The following ZBTB20 variants were observed in gnomAD, a reference collection of about 807,000 sequenced individuals.
ZBTB20 encodes the protein zinc finger and BTB domain-containing protein 20.
ZBTB20 carries 9 observed loss-of-function variants against 56.9 expected under a neutral mutation model. The observed-to-expected ratio is 0.16, with a 90% CI of 0.10 to 0.28. The LOEUF (loss-of-function observed/expected upper bound fraction) is 0.28, where lower values mean the gene tolerates loss of function less well. Ranked by LOEUF, ZBTB20 falls within the 10% of genes least tolerant of loss-of-function variation. The probability of loss-of-function intolerance (pLI) is 1.00; values close to 1 mark genes in which losing one functional copy is unlikely to be tolerated. For synonymous variants in ZBTB20, 417 were observed against 420.7 expected (o/e 0.99, Z 0.11); for missense variants, 655 against 1,003.0 (o/e 0.65, Z 4.69).
At chr3:114,759,245 T>TA (rs1444876937) in intron 5 of ZBTB20, 1 of 152,158 alleles carries the variant, frequency 6.6e-6, no homozygotes, top group Non-Finnish European at 1.5e-5. Context: ...TTTTCACAAA[T>TA]AATGCAGTGA....
At chr3:114,742,498 C>T (rs2108600957) in intron 5 of ZBTB20, among the ~76,000 whole-genome samples, 1 of 152,204 alleles carries the variant, frequency 6.6e-6, no homozygotes, top group Non-Finnish European at 1.5e-5. Context: ...ATACCACAAG[C>T]CAGGTACGAT....
intron 1 of ZBTB20, among the ~76,000 whole-genome samples, chr3:115,140,257 T>C (rs1291051448): frequency 2.0e-5 from 3 of 152,092 alleles, no homozygotes; most frequent in African/African-American, 7.2e-5. Flanking sequence ...TCTGAGATTT[T>C]TGACAATGTA....
At chr3:114,924,319 G>C (rs576386392) in intron 3 of ZBTB20, among the ~76,000 whole-genome samples, 2 of 151,952 alleles carry the variant, frequency 1.3e-5, no homozygotes, top group Non-Finnish European at 2.9e-5. Flanking sequence ...TCCATCAATG[G>C]GTAAAGCGGA....
rs971293661 is a variant in ZBTB20 at position 114,606,894 on chromosome 3, G to A, written c.-295+86634C>T. 5.3e-5 allele frequency among the ~76,000 whole-genome samples: 8 copies of A among 152,068 alleles called. No individual in the cohort carries two copies. The Middle Eastern group carries it at 0.01, about 194-fold the overall frequency. ...GTGGATCACTTGAGGTCAGGAGTTC[G>A]AGGCCAGCCTTGCTAACATGGTGAA... On this transcript the variant is annotated intron_variant, in intron 6 of 11. Transcript: ENST00000675478.
At chr3:114,620,057 A>G (rs1481302588) in intron 6 of ZBTB20, among the ~76,000 whole-genome samples, 1 of 152,218 alleles carries the variant, frequency 6.6e-6, no homozygotes, top group Non-Finnish European at 1.5e-5. Context: ...ACATGAGCTG[A>G]CCAAGCTGGA....
At chr3:114,609,737 CA>C (rs1414198123) in intron 6 of ZBTB20, among the ~76,000 whole-genome samples, 1 of 152,108 alleles carries the variant, frequency 6.6e-6, no homozygotes, top group Non-Finnish European at 1.5e-5. Context: ...GCCTGAAAGA[CA>C]GTGAAATACA....
intron 2 of ZBTB20, among the ~76,000 whole-genome samples, chr3:115,059,475 C>CAA (rs1292927827): frequency 1.3e-5 from 2 of 152,204 alleles, no homozygotes; most frequent in Non-Finnish European, 2.9e-5. Context: ...GAACAAAACT[C>CAA]AAACACTTCC....
intron 6 of ZBTB20, among the ~76,000 whole-genome samples, chr3:114,509,316 A>C (rs1204696872): frequency 6.6e-6 from 1 of 152,054 alleles, no homozygotes; most frequent in Non-Finnish European, 1.5e-5. Flanking sequence ...TAATTGTTTT[A>C]ATGCCTCTAC....
chr3:115,093,287 T>C lies in ZBTB20; in HGVS notation c.-702-21873A>G, dbSNP rs572965402. On this transcript the variant is annotated intron_variant, in intron 1 of 11. Coordinates refer to ENST00000675478, the MANE Select transcript of ZBTB20 (RefSeq NM_001348800.3). ...CATATATTTTCAGACTAAGGTGATA[T>C]AAGTGAAACTACTGTGTATAGGCCG... 7.2e-4 allele frequency among the ~76,000 whole-genome samples: 110 copies of C among 152,292 alleles called. 1 individual carries two copies. The South Asian group carries it at 0.019, about 27-fold the overall frequency.
At chr3:114,968,934 T>C (rs1344188511) in intron 3 of ZBTB20, among the ~76,000 whole-genome samples, 3 of 152,098 alleles carry the variant, frequency 2.0e-5, no homozygotes, top group South Asian at 2.1e-4. Context: ...TACTTTGGCC[T>C]CTCCACAATT....
intron 4 of ZBTB20, among the ~76,000 whole-genome samples, chr3:114,867,233 T>C (rs1412685959): frequency 6.6e-6 from 1 of 151,974 alleles, no homozygotes; most frequent in African/African-American, 2.4e-5. Flanking sequence ...GTTTATGAAA[T>C]AAGAGATGGC....
At position 114,588,925 on chromosome 3, in the gene ZBTB20, T is replaced by A. The variant is rs560916288; in HGVS notation, c.-294-88534A>T. Among the ~76,000 whole-genome samples the A allele has an allele frequency of 3.0e-4, 45 of 152,198 alleles. 1 individual carries two copies. The South Asian group carries it at 8.7e-3, about 29-fold the overall frequency. On this transcript the variant is annotated intron_variant, in intron 6 of 11. Transcript: ENST00000675478. ...TGGGGAAGCCTCAGGAAACTTACAA[T>A]CATAGCAGAAGGCACCTCTTCACCG...
intron 1 of ZBTB20, among the ~76,000 whole-genome samples, chr3:115,131,313 A>C (rs1018520567): frequency 6.6e-6 from 1 of 152,202 alleles, no homozygotes; most frequent in African/African-American, 2.4e-5. Flanking sequence ...TATTACTTAT[A>C]AATATACATA....
chr3:114,962,883 T>G (rs1053630106), intron 3 of ZBTB20, among the ~76,000 whole-genome samples: 3 of 152,146 alleles, frequency 2.0e-5, no homozygotes, highest in Non-Finnish European at 4.4e-5. Context: ...GAGGAAGCTA[T>G]GCATGAAAAA....
chr3:114,738,363 CCT>C (rs558961037), intron 5 of ZBTB20, among the ~76,000 whole-genome samples: 243 of 151,948 alleles, frequency 1.6e-3, no homozygotes, highest in African/African-American at 5.5e-3. Flanking sequence ...TTGTCTTTCT[CCT>C]CTCTGACAAC....
Position 114,315,932 on chromosome 3 carries a change from C to T in ZBTB20, c.*23073G>A, listed in dbSNP as rs1029459189. 6.4e-6 allele frequency: 1 copy of T among 156,448 alleles called. No homozygotes were observed. The highest frequency in any genetic ancestry group is 1.4e-5 in the Non-Finnish European group (1 of 71,572). 9.7% of individuals were successfully genotyped at this position (156,448 alleles called of 1,614,324 possible). ...CACCCACTTCTCAAATGGATGGCCA[C>T]GTTAAGGTGCTTCAAAAAAGGTTTT... On this transcript the variant is annotated 3_prime_UTR_variant, in exon 12 of 12. Coordinates refer to ENST00000675478, the MANE Select transcript of ZBTB20 (RefSeq NM_001348800.3).
Position 114,389,093 on chromosome 3 carries a change from A to T in ZBTB20, c.-242T>A, listed in dbSNP as rs1347219034. The T allele has an allele frequency of 6.6e-6, 1 of 152,230 alleles. No homozygotes were observed. The highest frequency in any genetic ancestry group is 1.5e-5 in the Non-Finnish European group (1 of 68,044). The allele number at this position is 152,230 out of a possible 1,614,324, so 9.4% of individuals were successfully genotyped here. On this transcript the variant is annotated 5_prime_UTR_variant, in exon 8 of 12. Coordinates refer to ENST00000675478, the MANE Select transcript of ZBTB20 (RefSeq NM_001348800.3). ...AGATGTTCATTGGGGCAGGGAGCAG[A>T]GAGCGGCTGCATCTAGATCAGACAA...
chr3:114,908,367 T>C (rs1349406917), intron 3 of ZBTB20, among the ~76,000 whole-genome samples: 3 of 152,086 alleles, frequency 2.0e-5, no homozygotes, highest in Non-Finnish European at 2.9e-5. Context: ...GGCATTACTA[T>C]GATTCTACCA....
intron 7 of ZBTB20, among the ~76,000 whole-genome samples, chr3:114,499,199 G>A (rs1033411122): frequency 6.6e-6 from 1 of 152,108 alleles, no homozygotes; most frequent in African/African-American, 2.4e-5. Context: ...GGACAGGTAG[G>A]ACCCACCCCT....
Sources: allele counts gnomAD v4.1 joint callset (sites outside exome capture counted in the v4.1 genomes callset), GRCh38; gene constraint gnomAD v4.1.1; transcripts MANE v1.5; gene names NCBI Gene and HGNC (gene_info 2026-07-23, HGNC 2026-07-21).